TMEM74: variants seen among roughly 807,000 people sequenced by gnomAD.
TMEM74 encodes the protein transmembrane protein 74.
In TMEM74, 13 loss-of-function variants were observed where a neutral mutation model predicts 18.1. The observed-to-expected ratio is 0.72, with a 90% CI of 0.47 to 1.14. TMEM74 has a LOEUF of 1.14. Ranked by LOEUF, TMEM74 falls within the 50% of genes most tolerant of loss-of-function variation. The probability of loss-of-function intolerance (pLI) is 0.00; values close to 1 mark genes in which losing one functional copy is unlikely to be tolerated. For missense variants in TMEM74, 372 were observed against 375.9 expected, an observed-to-expected ratio of 0.99 and a Z score of 0.09; for synonymous variants, 159 against 146.6, an observed-to-expected ratio of 1.08 and a Z score of -0.61.
At chr8:108,761,188 T>C (rs1039584783) in intron 1 of TMEM74, among the ~76,000 whole-genome samples, 3 of 152,166 alleles carry the variant, frequency 2.0e-5, no homozygotes, top group African/African-American at 7.2e-5. Context: ...CGGTACACTA[T>C]AGTGGTTAGA....
intron 1 of TMEM74, among the ~76,000 whole-genome samples, chr8:108,656,290 A>G (rs1368768775): frequency 6.6e-6 from 1 of 152,148 alleles, no homozygotes; most frequent in African/African-American, 2.4e-5. Context: ...CTTCCCCCAC[A>G]GTGAGTGGGT....
chr8:108,739,040 T>C (rs927561616), intron 1 of TMEM74, among the ~76,000 whole-genome samples: 1 of 152,198 alleles, frequency 6.6e-6, no homozygotes, highest in African/African-American at 2.4e-5. Context: ...AGACATGTGT[T>C]CAGTTAAAAA....
At chr8:108,666,677 G>A (rs547446956) in intron 1 of TMEM74, among the ~76,000 whole-genome samples, 2 of 152,194 alleles carry the variant, frequency 1.3e-5, no homozygotes, top group South Asian at 2.1e-4. Flanking sequence ...ACAGAAAAAG[G>A]AGATTAATAC....
intron 2 of TMEM74, among the ~76,000 whole-genome samples, chr8:108,647,085 C>T (rs894870469): frequency 9.9e-5 from 15 of 152,104 alleles, no homozygotes; most frequent in Non-Finnish European, 2.1e-4. Context: ...TTGGAGTGGT[C>T]TGCTTACTCA....
chr8:108,688,402 C>T (rs952893187), intron 1 of TMEM74, among the ~76,000 whole-genome samples: 5 of 152,358 alleles, frequency 3.3e-5, no homozygotes, highest in East Asian at 1.9e-4. Flanking sequence ...AAGGCTCCTC[C>T]TCACATGTTC....
downstream of TMEM74, among the ~76,000 whole-genome samples, chr8:108,777,099 A>C (rs1316753926): frequency 2.0e-5 from 3 of 152,204 alleles, no homozygotes; most frequent in Admixed American, 6.5e-5. Context: ...AGAGTCTTGC[A>C]AGGCAAACAG....
chr8:108,679,906 A>T (rs1394033467), intron 1 of TMEM74, among the ~76,000 whole-genome samples: 1 of 152,198 alleles, frequency 6.6e-6, no homozygotes, highest in African/African-American at 2.4e-5. Flanking sequence ...AATACTAAAA[A>T]CACCTCTGCA....
intron 2 of TMEM74, among the ~76,000 whole-genome samples, chr8:108,623,579 G>A (rs1812464204): frequency 6.6e-6 from 1 of 151,948 alleles, no homozygotes; most frequent in African/African-American, 2.4e-5. Context: ...CTCATCTTAG[G>A]CCAACACTAG....
At chr8:108,775,363 CA>C (rs1250740182), downstream of TMEM74, among the ~76,000 whole-genome samples, 17 of 152,174 alleles carry the variant, frequency 1.1e-4, no homozygotes, top group Admixed American at 3.3e-4. Flanking sequence ...GCTGTTCTAG[CA>C]CATTTTCTAG....
At chr8:108,710,409 C>G (rs1563532158) in intron 1 of TMEM74, among the ~76,000 whole-genome samples, 1 of 152,192 alleles carries the variant, frequency 6.6e-6, no homozygotes, top group Non-Finnish European at 1.5e-5. Context: ...CTATATGGAA[C>G]TGCATGTGAG....
At chr8:108,720,749 T>A (rs76006866) in intron 1 of TMEM74, among the ~76,000 whole-genome samples, 41,638 of 96,144 alleles carry the variant, frequency 0.43, 6,251 homozygotes, top group East Asian at 0.51. Flanking sequence ...TTTATTTATT[T>A]ATTTATTAGT....
chr8:108,648,710 G>A lies in TMEM74; in HGVS notation n.264+6583C>T, dbSNP rs529715936. Among the ~76,000 whole-genome samples, 335 of 152,164 alleles carry A rather than the reference G, an allele frequency of 2.2e-3. 3 individuals are homozygous for A. Among genetic ancestry groups the A allele is most frequent in the Middle Eastern group, 0.014 (4 of 294 alleles). Reference sequence around the variant, plus strand: ...AGGGAGGAGTCATGAGATAAAGAATGTAAGTGGCCTCTAGAATCTAGAGAA... The same window carrying A: ...AGGGAGGAGTCATGAGATAAAGAATATAAGTGGCCTCTAGAATCTAGAGAA... On this transcript the variant is annotated intron_variant and non_coding_transcript_variant, in intron 2 of 3. Coordinates refer to the TMEM74 transcript ENST00000518838.
Position 108,707,014 on chromosome 8 carries a change from C to T in TMEM74, n.120-51577G>A, listed in dbSNP as rs1035424564. 4.6e-5 allele frequency among the ~76,000 whole-genome samples: 7 copies of T among 152,040 alleles called. No homozygotes were observed. In the South Asian group the frequency reaches 8.3e-4, roughly 18 times the overall value. On this transcript the variant is annotated intron_variant and non_coding_transcript_variant, in intron 1 of 3. Transcript: ENST00000518838. ...TCATACTCTTTACTTAATCCCTCAT[C>T]CCAAGTTCATGTCCTTTGCAGGGAC...
chr8:108,756,690 A>G (rs1813974642), intron 1 of TMEM74, among the ~76,000 whole-genome samples: 1 of 113,522 alleles, frequency 8.8e-6, no homozygotes, highest in Non-Finnish European at 1.8e-5. Flanking sequence ...GAAAGAAAGA[A>G]AGAAAGAAGG....
chr8:108,632,893 A>G (rs910454330), intron 2 of TMEM74, among the ~76,000 whole-genome samples: 2 of 152,010 alleles, frequency 1.3e-5, no homozygotes, highest in Admixed American at 6.6e-5. Context: ...TAAGTAGAAC[A>G]TGTTCTTCTA....
At chr8:108,759,831 G>A (rs185588878) in intron 1 of TMEM74, among the ~76,000 whole-genome samples, 21 of 152,232 alleles carry the variant, frequency 1.4e-4, no homozygotes, top group Admixed American at 1.3e-3. Context: ...TAAGATAAAC[G>A]TGCTGGGTTA....
At chr8:108,614,139 AAT>A (rs1337019459) in intron 2 of TMEM74, among the ~76,000 whole-genome samples, 4 of 151,922 alleles carry the variant, frequency 2.6e-5, no homozygotes, top group African/African-American at 7.2e-5. Context: ...GCTATTATGC[AAT>A]GTTATAGACT....
intron 2 of TMEM74, among the ~76,000 whole-genome samples, chr8:108,624,193 T>C (rs1338791622): frequency 1.3e-5 from 2 of 152,096 alleles, no homozygotes; most frequent in Non-Finnish European, 2.9e-5. Flanking sequence ...ATTTTAAATA[T>C]TGTCTGTGTA....
chr8:108,672,696 C>A (rs1188526044), intron 1 of TMEM74, among the ~76,000 whole-genome samples: 1 of 152,200 alleles, frequency 6.6e-6, no homozygotes, highest in Non-Finnish European at 1.5e-5. Context: ...TTAAAATATA[C>A]AAAGCCATGG....
Sources: allele counts gnomAD v4.1 joint callset (sites outside exome capture counted in the v4.1 genomes callset), GRCh38; gene constraint gnomAD v4.1.1; transcripts MANE v1.5; gene names NCBI Gene and HGNC (gene_info 2026-07-23, HGNC 2026-07-21).